MALRD1: variants seen among roughly 807,000 people sequenced by gnomAD.
MALRD1 encodes MAM and LDL-receptor class A domain-containing protein 1.
A neutral mutation model predicts 242.1 loss-of-function variants in MALRD1; 247 were observed. The ratio of observed to expected loss-of-function variants is 1.02; its 90% CI spans 0.92 to 1.13. The LOEUF (loss-of-function observed/expected upper bound fraction) is 1.13. Ranked by LOEUF, MALRD1 falls within the 50% of genes most tolerant of loss-of-function variation. MALRD1 has a pLI of 0.00. For synonymous variants in MALRD1, 995 were observed against 866.6 expected (o/e 1.15, Z -2.60); for missense variants, 2,989 against 2,533.1 (o/e 1.18, Z -3.86).
intron 28 of MALRD1, among the ~76,000 whole-genome samples, chr10:19,402,168 G>A (rs886179786): frequency 6.6e-6 from 1 of 152,070 alleles, no homozygotes; most frequent in East Asian, 1.9e-4. Context: ...TCTTTCTTCT[G>A]GGAAGGCCAT....
chr10:19,208,662 A>G (rs1237365824), intron 17 of MALRD1, among the ~76,000 whole-genome samples: 1 of 152,180 alleles, frequency 6.6e-6, no homozygotes, highest in Non-Finnish European at 1.5e-5. Context: ...TTCACCCTAT[A>G]TCTAATAAGC....
intron 24 of MALRD1, among the ~76,000 whole-genome samples, chr10:19,342,758 T>G (rs1477999497): frequency 6.6e-6 from 1 of 152,106 alleles, no homozygotes; most frequent in Non-Finnish European, 1.5e-5. Flanking sequence ...AAGGATCAGC[T>G]GTCCTGACTG....
At chr10:19,224,138 T>G (rs550361468) in intron 18 of MALRD1, among the ~76,000 whole-genome samples, 2 of 152,206 alleles carry the variant, frequency 1.3e-5, no homozygotes, top group Non-Finnish European at 2.9e-5. Flanking sequence ...TCTTCCACAA[T>G]GGTTGAACTA....
intron 31 of MALRD1, among the ~76,000 whole-genome samples, chr10:19,527,426 C>T (rs372404685): frequency 5.3e-5 from 8 of 152,234 alleles, no homozygotes; most frequent in South Asian, 2.1e-4. Context: ...GATTTTAAAT[C>T]GGAATTCAAT....
intron 12 of MALRD1, among the ~76,000 whole-genome samples, chr10:19,161,571 A>AAATTTCCTTTAAAAATGATCAAAT (rs1834419059): frequency 6.8e-6 from 1 of 148,002 alleles, no homozygotes; most frequent in Non-Finnish European, 1.5e-5. Context: ...AAAAAAAGAA[A>AAATTTCCTTTAAAAATGATCAAAT]ATTTCCTTTA....
At chr10:19,494,197 A>T (rs1837617325) in intron 30 of MALRD1, among the ~76,000 whole-genome samples, 1 of 152,176 alleles carries the variant, frequency 6.6e-6, no homozygotes, top group Non-Finnish European at 1.5e-5. Flanking sequence ...CCTCCATCAA[A>T]CCAAAGGCAA....
At chr10:19,588,322 A>G (rs1205199519) in intron 33 of MALRD1, among the ~76,000 whole-genome samples, 1 of 152,218 alleles carries the variant, frequency 6.6e-6, no homozygotes, top group East Asian at 1.9e-4. Context: ...CCACTGATTT[A>G]TTATTCATCA....
At chr10:19,175,791 T>G (rs544159755) in intron 14 of MALRD1, among the ~76,000 whole-genome samples, 14 of 152,202 alleles carry the variant, frequency 9.2e-5, no homozygotes, top group Admixed American at 2.0e-4. Context: ...AACTGGACCT[T>G]AAAATTCTGT....
chr10:19,648,709 G>C (rs1840747903), intron 36 of MALRD1, among the ~76,000 whole-genome samples: 1 of 152,112 alleles, frequency 6.6e-6, no homozygotes, highest in South Asian at 2.1e-4. Flanking sequence ...TCTGATTATT[G>C]CAGTTACCAT....
intron 12 of MALRD1, among the ~76,000 whole-genome samples, chr10:19,159,290 C>G (rs1177900035): frequency 6.6e-6 from 1 of 152,068 alleles, no homozygotes; most frequent in East Asian, 1.9e-4. Context: ...TACTTATTCC[C>G]AGCTGAATTT....
intron 21 of MALRD1, among the ~76,000 whole-genome samples, chr10:19,288,935 C>T (rs1841274041): frequency 6.6e-6 from 1 of 152,072 alleles, no homozygotes; most frequent in Non-Finnish European, 1.5e-5. Context: ...CTTTAACATC[C>T]AGTTATTTTC....
chr10:19,488,173 A>G (rs1837316701), intron 29 of MALRD1, among the ~76,000 whole-genome samples: 1 of 152,224 alleles, frequency 6.6e-6, no homozygotes, highest in Admixed American at 6.5e-5. Flanking sequence ...CTGATGAAAT[A>G]ATATTTAAAT....
chr10:19,345,280 G>A (rs752219927), intron 24 of MALRD1, among the ~76,000 whole-genome samples: 2 of 152,060 alleles, frequency 1.3e-5, no homozygotes, highest in Non-Finnish European at 2.9e-5. Flanking sequence ...CTGTTTTTCA[G>A]CAGCACACAT....
At chr10:19,158,100 T>C (rs1289930362) in intron 12 of MALRD1, among the ~76,000 whole-genome samples, 1 of 152,220 alleles carries the variant, frequency 6.6e-6, no homozygotes, top group Admixed American at 6.5e-5. Context: ...CTATTCTATC[T>C]TACTGCTGTT....
In MALRD1 at chr10:19,133,957, GAA is replaced by G; in HGVS notation, c.1203+19_1203+20del. On this transcript the variant is annotated intron_variant, in intron 9 of 39. Coordinates refer to ENST00000454679, the MANE Select transcript of MALRD1 (RefSeq NM_001142308.3). ...ATCTGAAGACATTTAAGGTATGAAA[GAA>G]AAAAAAAAAGTATTTTTTTATCATG... The G allele has an allele frequency of 2.4e-5, 24 of 991,190 alleles. No homozygotes were observed. Among genetic ancestry groups the G allele is most frequent in the East Asian group, 4.2e-5 (1 of 23,820 alleles). The allele number at this position is 991,190 out of a possible 1,614,324, so 61.4% of individuals were successfully genotyped here. A position where few individuals can be genotyped will look rare whatever the true frequency, so the allele number is the denominator to read the frequency against.
At chr10:19,133,061 C>T (rs1833177813) in intron 8 of MALRD1, among the ~76,000 whole-genome samples, 1 of 152,114 alleles carries the variant, frequency 6.6e-6, no homozygotes, top group Admixed American at 6.5e-5. Flanking sequence ...GCCTCAGCCT[C>T]CTGAGTAGCT....
chr10:19,133,502 A>G lies in MALRD1; in HGVS notation c.1111-354A>G, dbSNP rs555705998. ...TTTCTAGTATCATGGCAGTATTACA[A>G]AATGTAATAATGTTATTGAGTTCAA... On this transcript the variant is annotated intron_variant, in intron 8 of 39. Transcript: ENST00000454679. Among the ~76,000 whole-genome samples, 7 of 152,318 alleles carry G rather than the reference A, an allele frequency of 4.6e-5. No individual in the cohort carries two copies. In the East Asian group the frequency reaches 1.3e-3, roughly 29 times the overall value.
intron 28 of MALRD1, among the ~76,000 whole-genome samples, chr10:19,390,852 C>T (rs1846308843): frequency 6.6e-6 from 1 of 152,002 alleles, no homozygotes; most frequent in Non-Finnish European, 1.5e-5. Context: ...AAAACTCTGC[C>T]TAATAAAATA....
At chr10:19,074,957 A>G (rs1835271644) in intron 2 of MALRD1, among the ~76,000 whole-genome samples, 1 of 152,020 alleles carries the variant, frequency 6.6e-6, no homozygotes, top group Non-Finnish European at 1.5e-5. Flanking sequence ...TGATCATTTG[A>G]CTGAGATTCT....
Sources: allele counts gnomAD v4.1 joint callset (sites outside exome capture counted in the v4.1 genomes callset), GRCh38; gene constraint gnomAD v4.1.1; transcripts MANE v1.5; gene names NCBI Gene and HGNC (gene_info 2026-07-23, HGNC 2026-07-21).